Variants in GOLGA7 observed in about 807,000 individuals in gnomAD.
GOLGA7 encodes the protein golgin subfamily A member 7.
GOLGA7 carries 10 observed loss-of-function variants against 21.1 expected under a neutral mutation model. That is an observed-to-expected ratio of 0.47 (90% confidence interval 0.29 to 0.80). The LOEUF is 0.80. Ranked by LOEUF, GOLGA7 falls within the 30% of genes least tolerant of loss-of-function variation. GOLGA7 has a pLI of 0.08. For synonymous variants in GOLGA7, 64 were observed against 62.6 expected, an observed-to-expected ratio of 1.02 and a Z score of -0.10; for missense variants, 114 against 166.8, an observed-to-expected ratio of 0.68 and a Z score of 1.74.
intron 2 of GOLGA7, among the ~76,000 whole-genome samples, chr8:41,498,778 T>G (rs995796338): frequency 2.0e-5 from 3 of 152,244 alleles, no homozygotes; most frequent in Non-Finnish European, 4.4e-5. Flanking sequence ...CCTTAACCAT[T>G]TTGTATCCCT....
chr8:41,492,481 G>T (rs556515645), intron 1 of GOLGA7, among the ~76,000 whole-genome samples: 2 of 152,306 alleles, frequency 1.3e-5, no homozygotes, highest in African/African-American at 4.8e-5. Context: ...GGCCAACATG[G>T]TGAAACCCCA....
intron 2 of GOLGA7, among the ~76,000 whole-genome samples, chr8:41,500,796 C>G (rs1195135173): frequency 2.0e-5 from 3 of 152,094 alleles, no homozygotes; most frequent in Admixed American, 2.0e-4. Flanking sequence ...AGTAGGGAAA[C>G]TAGTCAGGAA....
intron 1 of GOLGA7, among the ~76,000 whole-genome samples, chr8:41,494,207 T>G (rs947554625): frequency 9.2e-5 from 14 of 152,142 alleles, no homozygotes; most frequent in Non-Finnish European, 2.1e-4. Context: ...GGCATGGTGG[T>G]TTGCACCCAA....
At chr8:41,504,649 T>A (rs1215991064) in intron 2 of GOLGA7, among the ~76,000 whole-genome samples, 3 of 152,238 alleles carry the variant, frequency 2.0e-5, no homozygotes, top group Non-Finnish European at 2.9e-5. Context: ...TGCAGATTGC[T>A]CTTTGAATAA....
chr8:41,491,676 A>T (rs78267941), intron 1 of GOLGA7, among the ~76,000 whole-genome samples: 323 of 4,694 alleles, frequency 0.069, 2 homozygotes, highest in African/African-American at 0.12. Flanking sequence ...GCAAAACTTT[A>T]AAAAAAAAAA....
intron 1 of GOLGA7, among the ~76,000 whole-genome samples, chr8:41,495,202 C>CAAA (rs1200554916): frequency 0.023 from 920 of 39,624 alleles, 92 homozygotes; most frequent in African/African-American, 0.079. Context: ...GACTCTGTCT[C>CAAA]AAAAAAAAAA....
intron 2 of GOLGA7, chr8:41,505,671 A>G (rs1195153929): frequency 5.4e-6 from 2 of 372,018 alleles, no homozygotes; most frequent in African/African-American, 2.1e-5. Flanking sequence ...GTGCCATTGT[A>G]TGCTTTTGCA....
At chr8:41,492,530 C>T (rs971770405) in intron 1 of GOLGA7, among the ~76,000 whole-genome samples, 4 of 152,046 alleles carry the variant, frequency 2.6e-5, no homozygotes, top group Non-Finnish European at 4.4e-5. Context: ...GGCATGGTGG[C>T]GGGCACCTGT....
intron 2 of GOLGA7, among the ~76,000 whole-genome samples, chr8:41,501,845 A>C (rs886070203): frequency 2.0e-5 from 3 of 152,254 alleles, no homozygotes; most frequent in Non-Finnish European, 4.4e-5. Flanking sequence ...CTCAATTAAA[A>C]ACCTTCCAAT....
chr8:41,505,462 G>A (rs1453092913), intron 2 of GOLGA7, among the ~76,000 whole-genome samples: 1 of 152,192 alleles, frequency 6.6e-6, no homozygotes, highest in Non-Finnish European at 1.5e-5. Flanking sequence ...CATGTACAAA[G>A]GAGAGAAGCA....
At chr8:41,494,426 A>G (rs1805957638) in intron 1 of GOLGA7, among the ~76,000 whole-genome samples, 1 of 152,282 alleles carries the variant, frequency 6.6e-6, no homozygotes, top group Admixed American at 6.5e-5. Flanking sequence ...GTAAAGAAAT[A>G]TAAATAATTC....
At chr8:41,507,217 G>A (rs1413668196) in intron 4 of GOLGA7, 96 bp downstream of exon 4, 6 of 715,046 alleles carry the variant, frequency 8.4e-6, no homozygotes, top group African/African-American at 5.3e-5. Context: ...ATTAAATCAC[G>A]CAGTTAAATA....
At position 41,507,141 on chromosome 8, in the gene GOLGA7, G is replaced by T. The variant is rs1806305562; in HGVS notation, c.*15+20G>T. 1.1e-6 allele frequency: 1 copy of T among 884,064 alleles called. No homozygotes were observed. The highest frequency in any genetic ancestry group is 1.6e-5 in the African/African-American group (1 of 61,310). 54.8% of individuals were successfully genotyped at this position (884,064 alleles called of 1,614,324 possible). A position where few individuals can be genotyped will look rare whatever the true frequency, so the allele number is the denominator to read the frequency against. ...TTAAAGGTAAATATGAAATGATATG[G>T]CTTGTATGCAGCTTTTGCAAGTTTA... On this transcript the variant is annotated intron_variant, in intron 4 of 4. Coordinates refer to ENST00000357743, the MANE Select transcript of GOLGA7 (RefSeq NM_001002296.2).
In GOLGA7 at chr8:41,510,513, A is replaced by T. The variant is rs1172299671; in HGVS notation, c.*945A>T. ...TTTAACTATCCCTAAGGCAAACCTT[A>T]TGACCCACAGAATTTTCTCATATAC... On this transcript the variant is annotated 3_prime_UTR_variant, in exon 5 of 5. Coordinates refer to ENST00000357743, the MANE Select transcript of GOLGA7 (RefSeq NM_001002296.2). 1 of 152,668 alleles carries T rather than the reference A, an allele frequency of 6.6e-6. No individual in the cohort carries two copies. Among genetic ancestry groups the T allele is most frequent in the East Asian group, 1.9e-4 (1 of 5,204 alleles). The allele number at this position is 152,668 out of a possible 1,614,324, so 9.5% of individuals were successfully genotyped here.
intron 4 of GOLGA7, among the ~76,000 whole-genome samples, chr8:41,508,514 C>T (rs1042785248): frequency 1.3e-5 from 2 of 152,224 alleles, no homozygotes; most frequent in African/African-American, 4.8e-5. Context: ...ACTTCTCAAA[C>T]AACCAGCAAC....
intron 1 of GOLGA7, among the ~76,000 whole-genome samples, chr8:41,491,777 A>G (rs1805890816): frequency 1.3e-5 from 2 of 151,940 alleles, no homozygotes; most frequent in Non-Finnish European, 2.9e-5. Context: ...TCAACCAAAG[A>G]TTCTTTTGGT....
intron 2 of GOLGA7, among the ~76,000 whole-genome samples, chr8:41,504,701 T>TA (rs1563419937): frequency 6.6e-6 from 1 of 152,244 alleles, no homozygotes; most frequent in South Asian, 2.1e-4. Flanking sequence ...GAGATTTTTT[T>TA]ATCCCCAAAA....
At position 41,505,958 on chromosome 8, in the gene GOLGA7, C is replaced by CTATG. The variant is rs1483916619; in HGVS notation, c.313_316dup (p.Ala106ValfsTer13). On this transcript the variant is annotated frameshift_variant, in exon 3 of 5. Coordinates refer to ENST00000357743, the MANE Select transcript of GOLGA7 (RefSeq NM_001002296.2). LOFTEE classifies it high-confidence loss of function. Reference sequence around the variant, plus strand: ...ACATTCAAGAGCAGAATGAGAAGATCTATGCTCCACAAGGCCTCCTCCTGA... The same window carrying CTATG: ...ACATTCAAGAGCAGAATGAGAAGATCTATGTATGCTCCACAAGGCCTCCTCCTGA... 1 of 1,605,164 alleles carries CTATG rather than the reference C, an allele frequency of 6.2e-7. No individual in the cohort carries two copies. Among genetic ancestry groups the CTATG allele is most frequent in the African/African-American group, 1.3e-5 (1 of 74,572 alleles).
At position 41,510,219 on chromosome 8, in the gene GOLGA7, T is replaced by G. The variant is rs1395241613; in HGVS notation, c.*651T>G. The G allele has an allele frequency of 6.5e-6, 1 of 152,676 alleles. No individual in the cohort carries two copies. Among genetic ancestry groups the G allele is most frequent in the Admixed American group, 6.5e-5 (1 of 15,278 alleles). The allele number at this position is 152,676 out of a possible 1,614,324, so 9.5% of individuals were successfully genotyped here. ...AATTATGCCTAATTAAAGCAGTATTTAATGCAATTTCCAGTTATTTCTTTG... is the reference window on the plus strand; with the variant it reads ...AATTATGCCTAATTAAAGCAGTATTGAATGCAATTTCCAGTTATTTCTTTG... On this transcript the variant is annotated 3_prime_UTR_variant, in exon 5 of 5. Transcript: ENST00000357743.
Sources: gnomAD v4.1 joint callset for allele counts (sites outside exome capture counted in the v4.1 genomes callset) on GRCh38, gnomAD v4.1.1 for gene constraint, MANE v1.5 for transcripts, NCBI Gene and HGNC (gene_info 2026-07-23, HGNC 2026-07-21) for gene names.